The following GLIS3 variants were observed in gnomAD, a reference collection of about 807,000 sequenced individuals.
The protein encoded by GLIS3 is GLIS family zinc finger 3, also known as zinc finger protein GLIS3.
GLIS3 carries 53 observed loss-of-function variants against 78.6 expected under a neutral mutation model. The ratio of observed to expected loss-of-function variants is 0.67; its 90% CI spans 0.54 to 0.85. The LOEUF is 0.85. Ranked by LOEUF, GLIS3 falls within the 40% of genes least tolerant of loss-of-function variation. The pLI is 0.00. For synonymous variants in GLIS3, 684 were observed against 509.9 expected, an observed-to-expected ratio of 1.34 and a Z score of -4.60; for missense variants, 1,703 against 1,231.1, an observed-to-expected ratio of 1.38 and a Z score of -5.74.
chr9:3,988,721 G>T (rs978643257), intron 4 of GLIS3, among the ~76,000 whole-genome samples: 27 of 151,762 alleles, frequency 1.8e-4, no homozygotes, highest in Non-Finnish European at 2.9e-4. Context: ...AAAAGAAAAA[G>T]AATCTTGACC....
At chr9:4,390,258 A>C in the GLIS3 span, among the ~76,000 whole-genome samples, 1 of 152,286 alleles carries the variant, frequency 6.6e-6, no homozygotes, top group Admixed American at 6.5e-5. Flanking sequence ...GCAATCATTC[A>C]TAATATGCAT....
the GLIS3 span, among the ~76,000 whole-genome samples, chr9:4,408,675 C>A: frequency 1.3e-4 from 17 of 128,048 alleles, no homozygotes; most frequent in Admixed American, 8.7e-5. Flanking sequence ...TGCAGTGAGC[C>A]GAGATCACGC....
At chr9:4,011,740 T>C (rs1822027614) in intron 4 of GLIS3, among the ~76,000 whole-genome samples, 1 of 152,196 alleles carries the variant, frequency 6.6e-6, no homozygotes. Context: ...TTTGCTTTGG[T>C]AGGCCAGACA....
the GLIS3 span, among the ~76,000 whole-genome samples, chr9:4,422,557 A>G: frequency 6.6e-6 from 1 of 152,192 alleles, no homozygotes; most frequent in African/African-American, 2.4e-5. Flanking sequence ...CAACCAGTCC[A>G]TAAAAAATAT....
At chr9:3,833,629 G>A (rs548522818) in intron 9 of GLIS3, among the ~76,000 whole-genome samples, 1 of 152,318 alleles carries the variant, frequency 6.6e-6, no homozygotes, top group South Asian at 2.1e-4. Flanking sequence ...CCAAAGAAAT[G>A]TAAGACATCA....
intron 4 of GLIS3, among the ~76,000 whole-genome samples, chr9:3,957,213 A>G (rs1817177746): frequency 6.6e-6 from 1 of 152,200 alleles, no homozygotes; most frequent in Admixed American, 6.5e-5. Flanking sequence ...GTGGGTGTGG[A>G]GCCCTTTCCC....
chr9:4,399,542 T>G, the GLIS3 span, among the ~76,000 whole-genome samples: 43 of 152,380 alleles, frequency 2.8e-4, no homozygotes, highest in African/African-American at 1.0e-3. Flanking sequence ...CCATTTCCCC[T>G]GTACCATGCT....
At chr9:3,863,645 A>C (rs556678265) in intron 8 of GLIS3, among the ~76,000 whole-genome samples, 2 of 152,262 alleles carry the variant, frequency 1.3e-5, no homozygotes, top group African/African-American at 4.8e-5. Flanking sequence ...AAGTCTGTGA[A>C]GTTGGCTGTA....
intron 2 of GLIS3, among the ~76,000 whole-genome samples, chr9:4,273,737 T>C (rs1826734558): frequency 6.6e-6 from 1 of 152,220 alleles, no homozygotes; most frequent in South Asian, 2.1e-4. Flanking sequence ...AGTGGGTGAC[T>C]ACTTGAAAAG....
At chr9:4,168,402 A>T (rs1816065256) in intron 2 of GLIS3, among the ~76,000 whole-genome samples, 2 of 152,232 alleles carry the variant, frequency 1.3e-5, no homozygotes, top group African/African-American at 2.4e-5. Context: ...ATGGATAATG[A>T]TCCAAAACAG....
chr9:3,949,286 T>C (rs1355339715), intron 4 of GLIS3, among the ~76,000 whole-genome samples: 2 of 152,224 alleles, frequency 1.3e-5, no homozygotes, highest in East Asian at 3.8e-4. Context: ...CGTTAAACCA[T>C]TAGCAATGAC....
chr9:4,253,656 GA>G (rs1479105635), intron 2 of GLIS3, among the ~76,000 whole-genome samples: 1 of 152,120 alleles, frequency 6.6e-6, no homozygotes, highest in African/African-American at 2.4e-5. Flanking sequence ...ACTGAGGTAT[GA>G]AAAAAACTCC....
rs117552517 is a variant in GLIS3 at position 4,131,509 on chromosome 9, C to T, written c.389-5568G>A. ...GGCACTGTCCCTTTGCTGCTATTCT[C>T]GTGTTAGAGTTCCCATGAGATCTGG... On this transcript the variant is annotated intron_variant, in intron 2 of 10. Coordinates refer to ENST00000381971, the MANE Select transcript of GLIS3 (RefSeq NM_001042413.2). Among the ~76,000 whole-genome samples, 814 of 152,200 alleles carry T rather than the reference C, an allele frequency of 5.3e-3. 4 individuals are homozygous for T. The highest frequency in any genetic ancestry group is 8.4e-3 in the Non-Finnish European group (571 of 68,002).
At chr9:3,879,788 C>T (rs1193208093) in intron 7 of GLIS3, among the ~76,000 whole-genome samples, 193 bp from the exon 8 acceptor site, 9 of 152,086 alleles carry the variant, frequency 5.9e-5, no homozygotes, top group Admixed American at 5.9e-4. Context: ...CTCCGGAGCT[C>T]ACGTCTGGCT....
chr9:3,920,005 T>G (rs938369104), intron 6 of GLIS3, among the ~76,000 whole-genome samples: 8 of 147,500 alleles, frequency 5.4e-5, no homozygotes, highest in South Asian at 2.2e-4. Flanking sequence ...TTACAGTTTT[T>G]TTTTTTTTTT....
At chr9:4,158,563 A>G (rs1835216444) in intron 2 of GLIS3, among the ~76,000 whole-genome samples, 1 of 152,208 alleles carries the variant, frequency 6.6e-6, no homozygotes, top group African/African-American at 2.4e-5. Context: ...GAGATACAGA[A>G]GTTGTCAGAC....
intron 9 of GLIS3, among the ~76,000 whole-genome samples, chr9:3,843,436 A>T (rs1406682984): frequency 2.0e-5 from 3 of 152,180 alleles, no homozygotes; most frequent in Admixed American, 2.0e-4. Flanking sequence ...AGAGTATGGA[A>T]ACCTATATAA....
chr9:3,997,182 A>G (rs1158647790), intron 4 of GLIS3, among the ~76,000 whole-genome samples: 1 of 152,102 alleles, frequency 6.6e-6, no homozygotes, highest in Non-Finnish European at 1.5e-5. Flanking sequence ...CCCCGTCTCT[A>G]CTAAAAATAC....
chr9:4,436,182 T>A, the GLIS3 span, among the ~76,000 whole-genome samples: 6 of 152,150 alleles, frequency 3.9e-5, no homozygotes, highest in African/African-American at 1.4e-4. Context: ...ATGAAGATGA[T>A]CACAAAGCTT....
Sources: gnomAD v4.1 joint callset for allele counts (sites outside exome capture counted in the v4.1 genomes callset) on GRCh38, gnomAD v4.1.1 for gene constraint, MANE v1.5 for transcripts, NCBI Gene and HGNC (gene_info 2026-07-23, HGNC 2026-07-21) for gene names.